The following DTNB variants were observed in gnomAD, a reference collection of about 807,000 sequenced individuals.
The protein encoded by DTNB is dystrobrevin beta.
A neutral mutation model predicts 90.7 loss-of-function variants in DTNB; 63 were observed. That is an observed-to-expected ratio of 0.69 (90% CI 0.57 to 0.86). DTNB has a LOEUF of 0.86. Among genes scored for constraint, DTNB ranks in the 40% least tolerant of loss-of-function variants. DTNB has a pLI of 0.00. For synonymous variants in DTNB, 277 were observed against 286.7 expected, an observed-to-expected ratio of 0.97 and a Z score of 0.34; for missense variants, 744 against 807.1, an observed-to-expected ratio of 0.92 and a Z score of 0.95.
In DTNB at chr2:25,377,919, C is replaced by T. The variant is rs930397129; in HGVS notation, c.*30-366G>A. 1.3e-5 allele frequency among the ~76,000 whole-genome samples: 2 copies of T among 152,272 alleles called. 1 individual carries two copies. The highest frequency in any genetic ancestry group is 4.1e-4 in the South Asian group (2 of 4,826). On this transcript the variant is annotated intron_variant, in intron 20 of 20. Transcript: ENST00000406818. ...GCGCAGGCCTGGGCATCCATGAATCCGCGGCACCCAAGTTTTATACTCTTA... is the reference window on the plus strand; with the variant it reads ...GCGCAGGCCTGGGCATCCATGAATCTGCGGCACCCAAGTTTTATACTCTTA...
chr2:25,613,770 C>T (rs980845356), intron 4 of DTNB, among the ~76,000 whole-genome samples: 1 of 151,948 alleles, frequency 6.6e-6, no homozygotes. Flanking sequence ...CTATCCTGGC[C>T]AACATGGTGA....
At chr2:25,430,023 T>C (rs1290428410) in intron 14 of DTNB, among the ~76,000 whole-genome samples, 1 of 152,176 alleles carries the variant, frequency 6.6e-6, no homozygotes, top group African/African-American at 2.4e-5. Flanking sequence ...TTTCATGGTC[T>C]AGCTCAACTT....
intron 9 of DTNB, among the ~76,000 whole-genome samples, chr2:25,519,519 T>C (rs961361459): frequency 3.3e-5 from 5 of 152,116 alleles, no homozygotes; most frequent in African/African-American, 1.2e-4. Flanking sequence ...AAAGTACAAG[T>C]TGAGAATCCC....
intron 1 of DTNB, among the ~76,000 whole-genome samples, chr2:25,664,323 C>G (rs974229017): frequency 1.2e-4 from 18 of 152,228 alleles, no homozygotes; most frequent in African/African-American, 4.3e-4. Flanking sequence ...TCTGCTGACT[C>G]TGAAACTTCA....
chr2:25,451,674 C>A, intron 11 of DTNB, 39 bp from the exon 12 acceptor site: 1 of 1,518,432 alleles, frequency 6.6e-7, no homozygotes, highest in Admixed American at 2.0e-5. Context: ...GTCTATTAAA[C>A]ATCCCTTATT....
intron 16 of DTNB, among the ~76,000 whole-genome samples, chr2:25,394,194 T>C (rs2041869962): frequency 1.3e-5 from 2 of 151,934 alleles, no homozygotes; most frequent in South Asian, 4.2e-4. Context: ...GCAAGACACA[T>C]AGAAGAATGA....
intron 18 of DTNB, among the ~76,000 whole-genome samples, chr2:25,384,748 C>T (rs971458392): frequency 3.3e-5 from 5 of 152,134 alleles, no homozygotes; most frequent in Admixed American, 2.0e-4. Context: ...TTTGGCTCCC[C>T]ACTGAGGAAG....
chr2:25,388,210 A>T lies in DTNB; in HGVS notation c.1727T>A (p.Phe576Tyr). Residue 576 changes from phenylalanine to tyrosine, a missense_variant, in exon 17 of 21, where the codon TTC becomes TAC. Phe to Tyr is a conservative substitution (Grantham distance 22, BLOSUM62 3). Coordinates refer to ENST00000406818, the MANE Select transcript of DTNB (RefSeq NM_021907.5). Reference sequence around the variant, plus strand: ...CTGCTCCAGAAACTCACCTTGTGCGAAGGCCTCCTGCACGTCTCCCCCGAC... The same window carrying T: ...CTGCTCCAGAAACTCACCTTGTGCGTAGGCCTCCTGCACGTCTCCCCCGAC... ...SGVGGDVQEAFAQGTRRNLRN... is the reference protein window; with the variant it reads ...SGVGGDVQEAYAQGTRRNLRN... The T allele has an allele frequency of 6.4e-7, 1 of 1,572,858 alleles. No individual in the cohort carries two copies. The highest frequency in any genetic ancestry group is 8.6e-7 in the Non-Finnish European group (1 of 1,159,736).
intron 9 of DTNB, among the ~76,000 whole-genome samples, chr2:25,487,089 T>C (rs1301561872): frequency 6.6e-6 from 1 of 152,224 alleles, no homozygotes; most frequent in Non-Finnish European, 1.5e-5. Flanking sequence ...AATTTGGTAC[T>C]TCTTAATTAA....
At chr2:25,414,914 A>G (rs2047512362) in intron 16 of DTNB, among the ~76,000 whole-genome samples, 1 of 152,162 alleles carries the variant, frequency 6.6e-6, no homozygotes, top group Admixed American at 6.5e-5. Flanking sequence ...TGCAGGGTAA[A>G]TCATGGGCTG....
chr2:25,478,704 G>A (rs1476921262), intron 10 of DTNB, among the ~76,000 whole-genome samples: 2 of 152,120 alleles, frequency 1.3e-5, no homozygotes, highest in Admixed American at 1.3e-4. Flanking sequence ...TGGGGGAAAT[G>A]CTTCTTCCTC....
intron 6 of DTNB, among the ~76,000 whole-genome samples, chr2:25,583,997 T>C (rs1421537087): frequency 6.6e-6 from 1 of 152,206 alleles, no homozygotes; most frequent in South Asian, 2.1e-4. Flanking sequence ...CCAAGCACTC[T>C]GTCTTCCACC....
chr2:25,510,108 A>C (rs1245150569), intron 9 of DTNB, among the ~76,000 whole-genome samples: 1 of 151,932 alleles, frequency 6.6e-6, no homozygotes, highest in East Asian at 1.9e-4. Flanking sequence ...ATTTCCATTC[A>C]TTATCTTTTG....
Position 25,383,881 on chromosome 2 carries a change from CT to C in DTNB, c.1833del (p.Gly612ValfsTer101). On this transcript the variant is annotated frameshift_variant, in exon 19 of 21. Transcript: ENST00000406818. LOFTEE classifies it high-confidence loss of function. The part of the protein sequence containing the change: ...SLVKELHSAE[E>X]GAEEEEEKMQ... Reference sequence around the variant, plus strand: ...ATCTTCTCTTCTTCTTCCTCTGCACCTTCCTCTGCTGTGAAAACAAGTCCAA... The same window carrying C: ...ATCTTCTCTTCTTCTTCCTCTGCACCTCCTCTGCTGTGAAAACAAGTCCAA... The C allele has an allele frequency of 6.2e-7, 1 of 1,614,054 alleles. No homozygotes were observed. Among genetic ancestry groups the C allele is most frequent in the Non-Finnish European group, 8.5e-7 (1 of 1,179,900 alleles).
intron 3 of DTNB, among the ~76,000 whole-genome samples, chr2:25,632,636 T>A (rs1454451921): frequency 6.6e-6 from 1 of 152,222 alleles, no homozygotes; most frequent in African/African-American, 2.4e-5. Context: ...CTCCTCACCA[T>A]GGGATGGTGT....
chr2:25,587,682 A>G (rs1181232809), intron 6 of DTNB, among the ~76,000 whole-genome samples: 1 of 152,198 alleles, frequency 6.6e-6, no homozygotes, highest in African/African-American at 2.4e-5. Flanking sequence ...GCCACTTGTC[A>G]TTTCTATGTA....
chr2:25,671,284 T>C (rs1344679395), intron 1 of DTNB, among the ~76,000 whole-genome samples: 1 of 152,218 alleles, frequency 6.6e-6, no homozygotes. Flanking sequence ...GGGGGACTAC[T>C]GTACACATTT....
At chr2:25,643,968 CAA>C (rs901904263) in intron 2 of DTNB, among the ~76,000 whole-genome samples, 75 of 152,294 alleles carry the variant, frequency 4.9e-4, no homozygotes, top group African/African-American at 1.5e-3. Flanking sequence ...AAGATGGTGA[CAA>C]GAGTAACCTC....
At chr2:25,599,862 A>G (rs1219557105) in intron 5 of DTNB, among the ~76,000 whole-genome samples, 1 of 152,172 alleles carries the variant, frequency 6.6e-6, no homozygotes, top group Non-Finnish European at 1.5e-5. Context: ...TGGGAGGCCC[A>G]GGCAGAGGAG....
Sources: allele counts gnomAD v4.1 joint callset (sites outside exome capture counted in the v4.1 genomes callset), GRCh38; gene constraint gnomAD v4.1.1; transcripts MANE v1.5; gene names NCBI Gene and HGNC (gene_info 2026-07-23, HGNC 2026-07-21).